CUBN: variants seen among roughly 807,000 people sequenced by gnomAD.
The protein encoded by CUBN is cubilin.
In CUBN, 282 loss-of-function variants were observed where a neutral mutation model predicts 405.3. The ratio of observed to expected loss-of-function variants is 0.70; its 90% CI spans 0.63 to 0.77. The LOEUF (loss-of-function observed/expected upper bound fraction) is 0.77, where lower values mean the gene tolerates loss of function less well. Among genes scored for constraint, CUBN ranks in the 30% least tolerant of loss-of-function variants. The probability of loss-of-function intolerance (pLI) is 0.00; values close to 1 mark genes in which losing one functional copy is unlikely to be tolerated. For synonymous variants in CUBN, 1,684 were observed against 1,617.0 expected, an observed-to-expected ratio of 1.04 and a Z score of -0.99; for missense variants, 4,514 against 4,475.2, an observed-to-expected ratio of 1.01 and a Z score of -0.25.
At chr10:17,075,045 T>C (rs527640915) in intron 17 of CUBN, among the ~76,000 whole-genome samples, 3 of 150,368 alleles carry the variant, frequency 2.0e-5, no homozygotes, top group African/African-American at 7.3e-5. Context: ...GGCAAACAGG[T>C]AGTAAAGAGA....
chr10:16,891,903 T>C (rs991009444), intron 54 of CUBN, among the ~76,000 whole-genome samples: 6 of 152,112 alleles, frequency 3.9e-5, no homozygotes, highest in African/African-American at 1.2e-4. Flanking sequence ...CAATACCCAA[T>C]ATGCCCTTTC....
rs1841586047 is a variant in CUBN at position 16,907,495 on chromosome 10, C to T, written c.7705+13G>A. 6.2e-7 allele frequency: 1 copy of T among 1,614,064 alleles called. No homozygotes were observed. The highest frequency in any genetic ancestry group is 1.7e-5 in the Admixed American group (1 of 60,018). On this transcript the variant is annotated intron_variant, in intron 49 of 66. Transcript: ENST00000377833. ...TGATTAAAATGGGGGGCATTTACAA[C>T]ATCCTACATTACCTGCATCTTCACT...
chr10:16,951,423 C>G (rs1385956349), intron 33 of CUBN, among the ~76,000 whole-genome samples: 1 of 152,196 alleles, frequency 6.6e-6, no homozygotes, highest in African/African-American at 2.4e-5. Flanking sequence ...AAGTGACTTC[C>G]CTATTTTCAC....
At chr10:16,897,517 G>C (rs989292075) in intron 54 of CUBN, among the ~76,000 whole-genome samples, 1 of 152,124 alleles carries the variant, frequency 6.6e-6, no homozygotes, top group African/African-American at 2.4e-5. Flanking sequence ...ATACCCCCGG[G>C]TACCTCAATG....
At chr10:16,919,905 T>C in intron 44 of CUBN, 58 bp downstream of exon 44, 3 of 1,549,696 alleles carry the variant, frequency 1.9e-6, no homozygotes, top group Non-Finnish European at 2.7e-6. Context: ...TTTTGAGACA[T>C]GACGGTTAAA....
intron 65 of CUBN, among the ~76,000 whole-genome samples, chr10:16,829,292 T>A (rs1466821167): frequency 2.8e-5 from 4 of 142,508 alleles, no homozygotes; most frequent in Non-Finnish European, 4.5e-5. Flanking sequence ...AACCCAGGGA[T>A]AACTTCCTCC....
intron 14 of CUBN, among the ~76,000 whole-genome samples, chr10:17,094,061 A>C (rs2131289545): frequency 6.6e-6 from 1 of 152,218 alleles, no homozygotes; most frequent in East Asian, 1.9e-4. Context: ...ATAGATTCAA[A>C]ACTCTCAGTG....
rs185457282 is a variant in CUBN at position 16,824,741 on chromosome 10, A to G, written c.*234T>C. The G allele has an allele frequency of 1.1e-5, 5 of 458,998 alleles. 1 individual carries two copies. Among genetic ancestry groups the G allele is most frequent in the South Asian group, 3.8e-5 (2 of 52,404 alleles). 28.4% of individuals were successfully genotyped at this position (458,998 alleles called of 1,614,324 possible). A position where few individuals can be genotyped will look rare whatever the true frequency, so the allele number is the denominator to read the frequency against. ...CACCATGCTGGCCAGGCTAGTCTCA[A>G]ACTCCTGACCTCAGGTGATCAACCT... On this transcript the variant is annotated 3_prime_UTR_variant, in exon 67 of 67. Coordinates refer to ENST00000377833, the MANE Select transcript of CUBN (RefSeq NM_001081.4).
At chr10:16,836,473 G>T (rs2131312804) in intron 62 of CUBN, 91 bp from the exon 63 acceptor site, 1 of 1,238,968 alleles carries the variant, frequency 8.1e-7, no homozygotes, top group Non-Finnish European at 1.2e-6. Flanking sequence ...AAAGCATGGT[G>T]TAAATATTTA....
Position 16,941,299 on chromosome 10 carries a change from T to G in CUBN, c.5343-1062A>C, listed in dbSNP as rs148967762. Among the ~76,000 whole-genome samples, 1,307 of 152,204 alleles carry G rather than the reference T, an allele frequency of 8.6e-3. 15 individuals are homozygous for G. Among genetic ancestry groups the G allele is most frequent in the African/African-American group, 0.03 (1,258 of 41,536 alleles). Reference sequence around the variant, plus strand: ...ATGGTGATGCAATAACGGATATCCTTATGGAGAGAGAGGAAAAAAAGAACC... The same window carrying G: ...ATGGTGATGCAATAACGGATATCCTGATGGAGAGAGAGGAAAAAAAGAACC... On this transcript the variant is annotated intron_variant, in intron 36 of 66. Coordinates refer to ENST00000377833, the MANE Select transcript of CUBN (RefSeq NM_001081.4).
chr10:16,923,800 G>A (rs1156490169), intron 43 of CUBN, among the ~76,000 whole-genome samples: 1 of 152,126 alleles, frequency 6.6e-6, no homozygotes, highest in East Asian at 1.9e-4. Flanking sequence ...GGCTGAGGAC[G>A]GTGGCTTACT....
At chr10:16,980,670 A>C (rs1833243102) in intron 31 of CUBN, among the ~76,000 whole-genome samples, 1 of 152,086 alleles carries the variant, frequency 6.6e-6, no homozygotes, top group South Asian at 2.1e-4. Context: ...GGAGGGGAAC[A>C]TCACACACCG....
chr10:17,083,744 C>G (rs1836028157), intron 17 of CUBN, among the ~76,000 whole-genome samples: 1 of 151,840 alleles, frequency 6.6e-6, no homozygotes, highest in Admixed American at 6.6e-5. Flanking sequence ...ATGATTATGC[C>G]CAAAAAAACA....
intron 4 of CUBN, among the ~76,000 whole-genome samples, chr10:17,124,519 C>T (rs1186805097): frequency 6.6e-6 from 1 of 151,562 alleles, no homozygotes; most frequent in Non-Finnish European, 1.5e-5. Flanking sequence ...GGCGCTGCCT[C>T]CTGGGTCCAT....
chr10:17,123,966 G>A (rs1837108624), intron 4 of CUBN, among the ~76,000 whole-genome samples: 1 of 152,182 alleles, frequency 6.6e-6, no homozygotes, highest in African/African-American at 2.4e-5. Context: ...CTTTGTCTTG[G>A]AAAAGTATTA....
chr10:17,110,142 A>T (rs1477780854), intron 9 of CUBN, among the ~76,000 whole-genome samples: 1 of 152,174 alleles, frequency 6.6e-6, no homozygotes, highest in African/African-American at 2.4e-5. Flanking sequence ...TACTCCCTGA[A>T]CTTCTTGGGT....
chr10:17,034,658 C>A (rs1410889758), intron 27 of CUBN, among the ~76,000 whole-genome samples: 2 of 152,166 alleles, frequency 1.3e-5, no homozygotes, highest in African/African-American at 4.8e-5. Flanking sequence ...TTCTGGAATG[C>A]AGCCAGATTT....
At chr10:17,120,369 G>A (rs2131320119) in intron 6 of CUBN, among the ~76,000 whole-genome samples, 1 of 152,208 alleles carries the variant, frequency 6.6e-6, no homozygotes, top group South Asian at 2.1e-4. Flanking sequence ...TGGAATTCAT[G>A]AGGTTTCAGA....
intron 28 of CUBN, among the ~76,000 whole-genome samples, chr10:17,017,935 T>G (rs1285394842): frequency 6.6e-6 from 1 of 151,916 alleles, no homozygotes; most frequent in African/African-American, 2.4e-5. Flanking sequence ...CTTGCTTGGG[T>G]GACATGACTT....
Sources: allele counts gnomAD v4.1 joint callset (sites outside exome capture counted in the v4.1 genomes callset), GRCh38; gene constraint gnomAD v4.1.1; transcripts MANE v1.5; gene names NCBI Gene and HGNC (gene_info 2026-07-23, HGNC 2026-07-21).